Variants in NEGR1 observed in about 807,000 individuals in gnomAD.
NEGR1 encodes IgLON family member 4.
A neutral mutation model predicts 40.9 loss-of-function variants in NEGR1; 10 were observed. The ratio of observed to expected loss-of-function variants is 0.24; its 90% CI spans 0.15 to 0.42. The LOEUF (loss-of-function observed/expected upper bound fraction) is 0.42. Among genes scored for constraint, NEGR1 ranks in the 10% least tolerant of loss-of-function variants. The pLI is 1.00. For synonymous variants in NEGR1, 185 were observed against 166.8 expected (o/e 1.11, Z -0.84); for missense variants, 352 against 438.9 (o/e 0.80, Z 1.77).
chr1:72,163,370 A>G (rs911736491), intron 1 of NEGR1, among the ~76,000 whole-genome samples: 1 of 152,130 alleles, frequency 6.6e-6, no homozygotes, highest in African/African-American at 2.4e-5. Context: ...GTATGCATTT[A>G]AAGTATTACT....
At chr1:71,945,682 T>A (rs1646011746) in intron 1 of NEGR1, among the ~76,000 whole-genome samples, 1 of 152,130 alleles carries the variant, frequency 6.6e-6, no homozygotes, top group African/African-American at 2.4e-5. Flanking sequence ...TAAAAAGTTA[T>A]AAAAGTTGTA....
intron 1 of NEGR1, among the ~76,000 whole-genome samples, chr1:72,126,245 AC>A (rs1322995386): frequency 6.6e-6 from 1 of 152,010 alleles, no homozygotes; most frequent in East Asian, 1.9e-4. Flanking sequence ...TTATTCCCTG[AC>A]CTTTGCAAAC....
At chr1:71,611,924 T>C (rs1402609911) in intron 4 of NEGR1, among the ~76,000 whole-genome samples, 1 of 152,158 alleles carries the variant, frequency 6.6e-6, no homozygotes, top group African/African-American at 2.4e-5. Flanking sequence ...CATGTATTGA[T>C]AGAAATGTAT....
In NEGR1 at chr1:71,506,333, C is replaced by T. The variant is rs185026990; in HGVS notation, c.940+86484G>A. On this transcript the variant is annotated intron_variant, in intron 6 of 6. Transcript: ENST00000357731. ...GTAGACCAGGGCTTGGCCCTTGGGG[C>T]GCTCACTCAAACTTGGGGAGGGAAG... is the stretch of plus-strand genomic sequence containing the variant. 1.0e-3 allele frequency among the ~76,000 whole-genome samples: 152 copies of T among 152,192 alleles called. 1 individual carries two copies. In the South Asian group the frequency reaches 0.021, roughly 21 times the overall value.
intron 4 of NEGR1, among the ~76,000 whole-genome samples, chr1:71,647,659 C>T (rs1324295124): frequency 1.3e-5 from 2 of 152,068 alleles, no homozygotes; most frequent in South Asian, 2.1e-4. Flanking sequence ...TCAGTTTCCT[C>T]ATGGTAGAGA....
chr1:71,697,346 G>C (rs1302457340), intron 4 of NEGR1, among the ~76,000 whole-genome samples: 2 of 151,692 alleles, frequency 1.3e-5, no homozygotes, highest in Non-Finnish European at 3.0e-5. Context: ...AAGTAAAAAC[G>C]ATTGTAGTCA....
intron 2 of NEGR1, among the ~76,000 whole-genome samples, chr1:71,856,823 C>A (rs946300817): frequency 1.3e-5 from 2 of 151,968 alleles, no homozygotes; most frequent in African/African-American, 4.8e-5. Flanking sequence ...GAATTATTTT[C>A]TTTTTTAACA....
At chr1:71,970,127 G>T (rs1646243213) in intron 1 of NEGR1, among the ~76,000 whole-genome samples, 1 of 152,120 alleles carries the variant, frequency 6.6e-6, no homozygotes, top group Non-Finnish European at 1.5e-5. Context: ...GGCAAGGTGA[G>T]ACCAGAAGAA....
At chr1:71,553,349 A>T (rs1479491261) in intron 6 of NEGR1, among the ~76,000 whole-genome samples, 1 of 151,592 alleles carries the variant, frequency 6.6e-6, no homozygotes, top group Non-Finnish European at 1.5e-5. Flanking sequence ...TCAAAGTATT[A>T]ATGCCTGAAT....
chr1:72,176,462 G>A (rs1652168292), intron 1 of NEGR1, among the ~76,000 whole-genome samples: 1 of 152,004 alleles, frequency 6.6e-6, no homozygotes. Flanking sequence ...ATGCAAGGTA[G>A]TCGATGAAAT....
At chr1:72,068,148 T>C (rs1647323317) in intron 1 of NEGR1, among the ~76,000 whole-genome samples, 2 of 152,202 alleles carry the variant, frequency 1.3e-5, no homozygotes, top group African/African-American at 4.8e-5. Flanking sequence ...TATTCAGTTA[T>C]TATGGACCCC....
At chr1:71,704,908 C>T (rs1163058132) in intron 3 of NEGR1, among the ~76,000 whole-genome samples, 1 of 151,606 alleles carries the variant, frequency 6.6e-6, no homozygotes, top group Non-Finnish European at 1.5e-5. Flanking sequence ...TATGATAATA[C>T]ACCATGATCA....
At chr1:72,146,772 T>G (rs755580627) in intron 1 of NEGR1, among the ~76,000 whole-genome samples, 1 of 152,194 alleles carries the variant, frequency 6.6e-6, no homozygotes, top group Non-Finnish European at 1.5e-5. Context: ...CAACCTCTAT[T>G]GTATCTGTAA....
chr1:71,807,667 A>C (rs1209710210), intron 2 of NEGR1, among the ~76,000 whole-genome samples: 1 of 152,200 alleles, frequency 6.6e-6, no homozygotes, highest in Non-Finnish European at 1.5e-5. Flanking sequence ...GTAACAAACC[A>C]TTTCAAATTT....
chr1:72,095,188 C>T (rs925115057), intron 1 of NEGR1, among the ~76,000 whole-genome samples: 5 of 151,802 alleles, frequency 3.3e-5, no homozygotes, highest in African/African-American at 9.7e-5. Flanking sequence ...TATATACATA[C>T]ATTAGTGGTG....
intron 5 of NEGR1, among the ~76,000 whole-genome samples, chr1:71,609,396 T>C (rs1650170721): frequency 6.7e-6 from 1 of 150,264 alleles, no homozygotes; most frequent in Non-Finnish European, 1.5e-5. Context: ...GCACCTGTAG[T>C]CCCAGCTACT....
chr1:71,627,031 C>G (rs1570123052), intron 4 of NEGR1, among the ~76,000 whole-genome samples: 3 of 152,130 alleles, frequency 2.0e-5, no homozygotes, highest in South Asian at 2.1e-4. Flanking sequence ...AATAGGAACA[C>G]TTTTACACTG....
chr1:71,412,440 A>G (rs1320535032), intron 6 of NEGR1, among the ~76,000 whole-genome samples: 2 of 152,220 alleles, frequency 1.3e-5, no homozygotes, highest in African/African-American at 2.4e-5. Flanking sequence ...TTCTTAACTT[A>G]TAATTAGTTA....
chr1:72,033,210 A>C (rs1451416569), intron 1 of NEGR1, among the ~76,000 whole-genome samples: 2 of 152,174 alleles, frequency 1.3e-5, no homozygotes, highest in African/African-American at 4.8e-5. Flanking sequence ...ATCTTTTAAT[A>C]TATGTATAGG....
Sources: allele counts gnomAD v4.1 joint callset (sites outside exome capture counted in the v4.1 genomes callset), GRCh38; gene constraint gnomAD v4.1.1; transcripts MANE v1.5; gene names NCBI Gene and HGNC (gene_info 2026-07-23, HGNC 2026-07-21).